SEPTIN14: variants seen among roughly 807,000 people sequenced by gnomAD.
SEPTIN14 encodes the protein septin-14.
Under a neutral mutation model 53.6 loss-of-function variants are expected in SEPTIN14, and 40 were observed. The ratio of observed to expected loss-of-function variants is 0.75; its 90% CI spans 0.58 to 0.97. SEPTIN14 has a LOEUF of 0.97. SEPTIN14 is among the 50% of genes least tolerant of loss of function. SEPTIN14 has a pLI of 0.00. For synonymous variants in SEPTIN14, 138 were observed against 166.8 expected (o/e 0.83, Z 1.33); for missense variants, 471 against 508.2 (o/e 0.93, Z 0.70).
At chr7:55,850,780 C>T (rs935749618) in intron 2 of SEPTIN14, 1 of 151,850 alleles carries the variant, frequency 6.6e-6, no homozygotes, top group African/African-American at 2.4e-5. Flanking sequence ...ATTTTAAAAA[C>T]ACATACATGG....
At chr7:55,815,202 T>C (rs977182573) in intron 7 of SEPTIN14, among the ~76,000 whole-genome samples, 2 of 152,076 alleles carry the variant, frequency 1.3e-5, no homozygotes, top group Non-Finnish European at 2.9e-5. Flanking sequence ...ACAAAAAACA[T>C]TGGGGAAGCT....
chr7:55,821,664 T>C (rs1216260802), intron 6 of SEPTIN14, among the ~76,000 whole-genome samples: 2 of 152,320 alleles, frequency 1.3e-5, no homozygotes, highest in East Asian at 3.9e-4. Context: ...TTACCTATTC[T>C]TCTGTTGATG....
At chr7:55,835,470 G>A (rs1349943551) in intron 5 of SEPTIN14, among the ~76,000 whole-genome samples, 1 of 152,104 alleles carries the variant, frequency 6.6e-6, no homozygotes, top group African/African-American at 2.4e-5. Flanking sequence ...CCAAAGTGCT[G>A]GGATTACAGG....
At chr7:55,834,990 A>AT (rs1466835257) in intron 5 of SEPTIN14, among the ~76,000 whole-genome samples, 6 of 152,080 alleles carry the variant, frequency 3.9e-5, no homozygotes, top group Non-Finnish European at 8.8e-5. Context: ...CTGACAACAA[A>AT]TTGCATAACT....
At chr7:55,798,101 G>C (rs1788461461) in intron 9 of SEPTIN14, 1 of 188,452 alleles carries the variant, frequency 5.3e-6, no homozygotes, top group African/African-American at 2.4e-5. Context: ...GGCATGTTCA[G>C]GTAGAGGAAC....
intron 7 of SEPTIN14, among the ~76,000 whole-genome samples, chr7:55,809,770 TA>T (rs71561969): frequency 0.12 from 14,399 of 121,624 alleles, 869 homozygotes; most frequent in East Asian, 0.22. Context: ...AAATAAAAAT[TA>T]AAAAAAAAAA....
intron 6 of SEPTIN14, among the ~76,000 whole-genome samples, chr7:55,823,149 C>A (rs912237980): frequency 5.9e-5 from 9 of 152,216 alleles, no homozygotes; most frequent in African/African-American, 2.2e-4. Context: ...GGATTGAGAA[C>A]CTGTCTTCCT....
At chr7:55,824,467 C>A (rs1438105842) in intron 6 of SEPTIN14, among the ~76,000 whole-genome samples, 1 of 152,116 alleles carries the variant, frequency 6.6e-6, no homozygotes, top group Non-Finnish European at 1.5e-5. Flanking sequence ...TTTCCACCCA[C>A]TGAATCTAAA....
intron 7 of SEPTIN14, chr7:55,811,309 G>A (rs1289753531): frequency 2.0e-6 from 1 of 511,076 alleles, no homozygotes. Context: ...GGCTTGATTC[G>A]TATTTCCACT....
At chr7:55,796,695 G>A (rs373069935) in intron 9 of SEPTIN14, among the ~76,000 whole-genome samples, 37 of 152,162 alleles carry the variant, frequency 2.4e-4, no homozygotes, top group African/African-American at 8.2e-4. Context: ...CAGAAGGATC[G>A]CTTGAGTCCA....
At position 55,795,461 on chromosome 7, in the gene SEPTIN14, A is replaced by G. The variant is rs1026831231; in HGVS notation, c.*452T>C. The G allele has an allele frequency of 7.0e-6, 1 of 142,374 alleles. No individual in the cohort carries two copies. Among genetic ancestry groups the G allele is most frequent in the East Asian group, 2.1e-4 (1 of 4,678 alleles). 8.8% of individuals were successfully genotyped at this position (142,374 alleles called of 1,614,324 possible). A position where few individuals can be genotyped will look rare whatever the true frequency, so the allele number is the denominator to read the frequency against. The stretch of plus-strand genomic sequence containing the variant: ...CAGGATCTGCCTTCTGGGAGTTCAT[A>G]CTTTTTTTTTTTTTTTTTTTTTTGA... On this transcript the variant is annotated 3_prime_UTR_variant, in exon 10 of 10. Transcript: ENST00000388975.
intron 6 of SEPTIN14, among the ~76,000 whole-genome samples, chr7:55,831,138 G>A (rs942425008): frequency 3.9e-5 from 6 of 151,946 alleles, no homozygotes; most frequent in African/African-American, 1.5e-4. Context: ...TAAGTCAGAG[G>A]CATCATGTGT....
Position 55,843,099 on chromosome 7 carries a change from G to T in SEPTIN14, c.401C>A (p.Ala134Asp). ...SYQPIVDYIDAQFEAYLQEEL... is the reference protein window; with the variant it reads ...SYQPIVDYIDDQFEAYLQEEL... ...TTCTTGAAGATAGGCCTCAAATTGG[G>T]CATCTATGTAGTCAACTATTGGTTG... Residue 134 changes from alanine to aspartate, a missense_variant, in exon 5 of 10, where the codon GCC becomes GAC. Ala to Asp is a moderately radical substitution (Grantham distance 126). Coordinates refer to ENST00000388975, the MANE Select transcript of SEPTIN14 (RefSeq NM_207366.3). The T allele has an allele frequency of 6.3e-7, 1 of 1,599,342 alleles. No homozygotes were observed. Among genetic ancestry groups the T allele is most frequent in the Non-Finnish European group, 8.5e-7 (1 of 1,175,478 alleles).
intron 9 of SEPTIN14, among the ~76,000 whole-genome samples, chr7:55,801,006 G>T (rs1788514175): frequency 6.6e-6 from 1 of 151,884 alleles, no homozygotes; most frequent in Non-Finnish European, 1.5e-5. Context: ...TACATCTCTT[G>T]ACACAAATGA....
At chr7:55,848,318 T>G (rs963405577) in intron 2 of SEPTIN14, among the ~76,000 whole-genome samples, 2 of 152,020 alleles carry the variant, frequency 1.3e-5, no homozygotes, top group African/African-American at 4.8e-5. Flanking sequence ...TGCGCCACCA[T>G]GCCCAGCCAA....
intron 9 of SEPTIN14, among the ~76,000 whole-genome samples, chr7:55,799,061 C>T (rs1439468254): frequency 6.6e-6 from 1 of 151,972 alleles, no homozygotes; most frequent in Non-Finnish European, 1.5e-5. Context: ...AAGTCCTTAC[C>T]TATAAAAATT....
chr7:55,826,249 A>C (rs2116011493), intron 6 of SEPTIN14, among the ~76,000 whole-genome samples: 2 of 152,320 alleles, frequency 1.3e-5, no homozygotes, highest in East Asian at 3.9e-4. Context: ...CTATATTCAC[A>C]CTGCCATACA....
In SEPTIN14 at chr7:55,794,170, T is replaced by G. The variant is rs1047989908; in HGVS notation, c.*1743A>C. 2.0e-5 allele frequency: 3 copies of G among 152,156 alleles called. No individual in the cohort carries two copies. Among genetic ancestry groups the G allele is most frequent in the Non-Finnish European group, 4.4e-5 (3 of 67,998 alleles). The allele number at this position is 152,156 out of a possible 1,614,324, so 9.4% of individuals were successfully genotyped here. ...CTGTGCCCTCAAAAACCCTATGGAT[T>G]ATACCATTATTACCTAAAAAGTCTA... On this transcript the variant is annotated 3_prime_UTR_variant, in exon 10 of 10. Transcript: ENST00000388975.
intron 3 of SEPTIN14, 47 bp from the exon 4 acceptor site, chr7:55,844,765 G>A (rs1173191043): frequency 9.8e-7 from 1 of 1,017,832 alleles, no homozygotes; most frequent in Non-Finnish European, 1.4e-6. Flanking sequence ...AAGGGGCTAA[G>A]AAAAAGCAAC....
Sources: gnomAD v4.1 joint callset for allele counts (sites outside exome capture counted in the v4.1 genomes callset) on GRCh38, gnomAD v4.1.1 for gene constraint, MANE v1.5 for transcripts, NCBI Gene and HGNC (gene_info 2026-07-23, HGNC 2026-07-21) for gene names.